The following TSNARE1 variants were observed in gnomAD, a reference collection of about 807,000 sequenced individuals.
TSNARE1 encodes the protein t-SNARE domain-containing protein 1.
TSNARE1 carries 49 observed loss-of-function variants against 62.0 expected under a neutral mutation model. The ratio of observed to expected loss-of-function variants is 0.79; its 90% CI spans 0.63 to 1.00. The LOEUF (loss-of-function observed/expected upper bound fraction) is 1.00. TSNARE1 is among the 50% of genes least tolerant of loss of function. The pLI is 0.00. For synonymous variants in TSNARE1, 328 were observed against 294.4 expected (o/e 1.11, Z -1.17); for missense variants, 755 against 700.1 (o/e 1.08, Z -0.88).
At chr8:142,285,292 A>G (rs1383768293) in intron 10 of TSNARE1, among the ~76,000 whole-genome samples, 2 of 139,806 alleles carry the variant, frequency 1.4e-5, no homozygotes, top group Admixed American at 7.1e-5. Context: ...GGATGGATGG[A>G]TGGGTAGGTG....
chr8:142,357,870 G>A (rs1156903957), intron 1 of TSNARE1, among the ~76,000 whole-genome samples: 2 of 152,248 alleles, frequency 1.3e-5, no homozygotes, highest in African/African-American at 4.8e-5. Context: ...CGAGTCAGGG[G>A]GATGTTAACC....
At chr8:142,275,269 T>C (rs1373763251) in intron 11 of TSNARE1, 1 of 985,306 alleles carries the variant, frequency 1.0e-6, no homozygotes, top group African/African-American at 1.7e-5. Context: ...CCTTAACGTC[T>C]GTGGAGTTGC....
chr8:142,329,946 G>A (rs1002239365), intron 6 of TSNARE1, among the ~76,000 whole-genome samples: 17 of 152,246 alleles, frequency 1.1e-4, no homozygotes, highest in African/African-American at 3.6e-4. Context: ...GAACGGAGCC[G>A]CCGTGAGGAG....
chr8:142,367,847 A>C (rs769576779), intron 1 of TSNARE1, among the ~76,000 whole-genome samples: 6 of 152,218 alleles, frequency 3.9e-5, no homozygotes, highest in Non-Finnish European at 8.8e-5. Context: ...TCAAAGAAGG[A>C]CTTGTTCATA....
At chr8:142,317,091 C>T (rs1218785177) in intron 7 of TSNARE1, among the ~76,000 whole-genome samples, 2 of 151,724 alleles carry the variant, frequency 1.3e-5, no homozygotes, top group Non-Finnish European at 1.5e-5. Context: ...GTATGGCCAG[C>T]GGCTCACACT....
intron 9 of TSNARE1, among the ~76,000 whole-genome samples, chr8:142,306,424 G>A (rs1826679724): frequency 2.0e-5 from 3 of 152,234 alleles, no homozygotes; most frequent in Admixed American, 2.0e-4. Flanking sequence ...CTGCCACTGG[G>A]GCCATTGCCC....
intron 8 of TSNARE1, 68 bp downstream of exon 8, chr8:142,314,935 A>T: frequency 6.9e-7 from 1 of 1,450,646 alleles, no homozygotes; most frequent in Non-Finnish European, 9.7e-7. Flanking sequence ...CAGCCATGAC[A>T]GTGCTCCGGG....
chr8:142,235,449 C>T (rs891333913), intron 12 of TSNARE1, among the ~76,000 whole-genome samples: 5 of 150,930 alleles, frequency 3.3e-5, no homozygotes, highest in Admixed American at 6.6e-5. Flanking sequence ...CCCTGGCCCC[C>T]CATTCCTCAG....
intron 7 of TSNARE1, 120 bp from the exon 8 acceptor site, chr8:142,315,212 C>T: frequency 1.0e-6 from 1 of 956,436 alleles, no homozygotes; most frequent in Non-Finnish European, 1.6e-6. Context: ...TGGGGCTCGC[C>T]ATCAACTACT....
At chr8:142,341,271 C>A (rs1166171278) in intron 4 of TSNARE1, among the ~76,000 whole-genome samples, 1 of 152,154 alleles carries the variant, frequency 6.6e-6, no homozygotes, top group African/African-American at 2.4e-5. Flanking sequence ...CCTGCACCCA[C>A]CCCCCCAGGC....
At chr8:142,390,798 C>T (rs1324895843) in intron 1 of TSNARE1, among the ~76,000 whole-genome samples, 29 of 37,092 alleles carry the variant, frequency 7.8e-4, no homozygotes, top group Admixed American at 1.2e-3. Flanking sequence ...CGGGGGACTC[C>T]GTAACAGACG....
intron 13 of TSNARE1, among the ~76,000 whole-genome samples, chr8:142,212,765 C>T: frequency 6.7e-6 from 1 of 150,152 alleles, no homozygotes; most frequent in Admixed American, 6.6e-5. Context: ...TACCTCTTCC[C>T]TGGCCCCTCC....
chr8:142,227,349 GCCCATAGCCCCAGTGACAGCCAGGAC>G (rs1464217245), intron 13 of TSNARE1, among the ~76,000 whole-genome samples: 63 of 105,386 alleles, frequency 6.0e-4, no homozygotes, highest in African/African-American at 4.8e-3. Flanking sequence ...CCCCCATCCT[GCCCATAGCCCCAGTGACAGCCAGGAC>G]CCCCATCCTG....
At chr8:142,360,340 T>C (rs2130858058) in intron 1 of TSNARE1, among the ~76,000 whole-genome samples, 1 of 152,124 alleles carries the variant, frequency 6.6e-6, no homozygotes, top group East Asian at 1.9e-4. Context: ...GAGCGGGCAC[T>C]GGCTGAGCCA....
rs1829233335 is a variant in TSNARE1, at chr8:142,319,975, G to A, written c.894-1341C>T. Among the ~76,000 whole-genome samples, 1 of 152,152 alleles carries A rather than the reference G, an allele frequency of 6.6e-6. No individual in the cohort carries two copies. Among genetic ancestry groups the A allele is most frequent in the Non-Finnish European group, 1.5e-5 (1 of 68,018 alleles). On this transcript the variant is annotated intron_variant, in intron 6 of 13. Coordinates refer to ENST00000524325, the MANE Select transcript of TSNARE1 (RefSeq NM_145003.5). This position sits in a 1 kb window ranked among gnomAD's most constrained non-coding sequence, Gnocchi z 4.9. ...CTTTGGAGAGCCTCCAGTGCCTCCAGCTCCCAAACACGCCTCTTCGGCCAA... is the reference window on the plus strand; with the variant it reads ...CTTTGGAGAGCCTCCAGTGCCTCCAACTCCCAAACACGCCTCTTCGGCCAA...
chr8:142,356,526 G>A (rs1834753593), intron 1 of TSNARE1, among the ~76,000 whole-genome samples: 2 of 152,200 alleles, frequency 1.3e-5, no homozygotes, highest in African/African-American at 2.4e-5. Context: ...CATGTGCCGG[G>A]GCCTCATCGG....
chr8:142,226,758 C>T (rs369708590), intron 13 of TSNARE1, among the ~76,000 whole-genome samples: 6 of 152,108 alleles, frequency 3.9e-5, no homozygotes, highest in East Asian at 1.9e-4. Flanking sequence ...CAGCAGTTCC[C>T]GGCATAAGGA....
chr8:142,316,709 G>A (rs1828574950), intron 7 of TSNARE1, among the ~76,000 whole-genome samples: 1 of 151,780 alleles, frequency 6.6e-6, no homozygotes, highest in Non-Finnish European at 1.5e-5. Flanking sequence ...GGTCTCCACA[G>A]ATTGCATTTT....
intron 13 of TSNARE1, among the ~76,000 whole-genome samples, chr8:142,223,175 T>TCACTCATTCATTCACTCACTCATACTC (rs879809176): frequency 1.5e-4 from 5 of 33,520 alleles, no homozygotes; most frequent in Admixed American, 7.5e-4. Flanking sequence ...CTCACTCAAG[T>TCACTCATTCATTCACTCACTCATACTC]ATTCACTCAT....
Sources: allele counts gnomAD v4.1 joint callset (sites outside exome capture counted in the v4.1 genomes callset), GRCh38; gene constraint gnomAD v4.1.1; non-coding constraint Gnocchi (gnomAD v3.1); transcripts MANE v1.5; gene names NCBI Gene and HGNC (gene_info 2026-07-23, HGNC 2026-07-21).